The following AGBL4 variants were observed in gnomAD, a reference collection of about 807,000 sequenced individuals.
AGBL4 encodes cytosolic carboxypeptidase 6.
Under a neutral mutation model 66.4 loss-of-function variants are expected in AGBL4, and 58 were observed. That is an observed-to-expected ratio of 0.87 (90% CI 0.71 to 1.09). The LOEUF (loss-of-function observed/expected upper bound fraction) is 1.09, where lower values mean the gene tolerates loss of function less well. Among genes scored for constraint, AGBL4 ranks in the 50% least tolerant of loss-of-function variants. The pLI is 0.00. For synonymous variants in AGBL4, 234 were observed against 222.9 expected (o/e 1.05, Z -0.44); for missense variants, 579 against 631.0 (o/e 0.92, Z 0.88).
At chr1:49,700,436 C>A (rs1195643169) in intron 2 of AGBL4, among the ~76,000 whole-genome samples, 4 of 151,794 alleles carry the variant, frequency 2.6e-5, no homozygotes, top group African/African-American at 4.8e-5. Flanking sequence ...ACACCAATAT[C>A]CCTTACTGTA....
chr1:49,009,204 T>C (rs1443403234), intron 5 of AGBL4, among the ~76,000 whole-genome samples: 12 of 151,886 alleles, frequency 7.9e-5, no homozygotes, highest in East Asian at 1.9e-4. Context: ...ATATCACCAC[T>C]GATCCCACAG....
intron 4 of AGBL4, among the ~76,000 whole-genome samples, chr1:49,241,454 G>T (rs1433286480): frequency 6.6e-6 from 1 of 151,988 alleles, no homozygotes; most frequent in Non-Finnish European, 1.5e-5. Flanking sequence ...CCTAAGGAAG[G>T]TCTCTTATCC....
At chr1:49,922,357 G>A (rs1329499766) in intron 1 of AGBL4, among the ~76,000 whole-genome samples, 2 of 152,140 alleles carry the variant, frequency 1.3e-5, no homozygotes, top group Non-Finnish European at 2.9e-5. Flanking sequence ...CATACTGAAT[G>A]GGAAAAAGCT....
intron 5 of AGBL4, among the ~76,000 whole-genome samples, chr1:48,990,609 T>C (rs1269800170): frequency 2.6e-5 from 4 of 152,144 alleles, no homozygotes; most frequent in Admixed American, 6.6e-5. Context: ...CTGCATATGA[T>C]ATGCAGTTTT....
intron 2 of AGBL4, among the ~76,000 whole-genome samples, chr1:49,766,514 A>G (rs1652743015): frequency 6.6e-6 from 1 of 152,110 alleles, no homozygotes; most frequent in African/African-American, 2.4e-5. Flanking sequence ...CTATAAAGCA[A>G]CTACTCAATA....
chr1:49,525,372 A>G (rs1231428444), intron 3 of AGBL4, among the ~76,000 whole-genome samples: 1 of 152,114 alleles, frequency 6.6e-6, no homozygotes, highest in Non-Finnish European at 1.5e-5. Context: ...CTGAGATCTC[A>G]GTGACAAGAA....
chr1:49,467,846 T>A (rs1646662278), intron 3 of AGBL4, among the ~76,000 whole-genome samples: 1 of 151,836 alleles, frequency 6.6e-6, no homozygotes, highest in Non-Finnish European at 1.5e-5. Context: ...TTGAAATATG[T>A]TCCTTTCCTT....
In AGBL4 at chr1:49,568,931, G is replaced by A. The variant is rs574149212; in HGVS notation, c.282+128382C>T. Among the ~76,000 whole-genome samples, 14 of 152,190 alleles carry A rather than the reference G, an allele frequency of 9.2e-5. No individual in the cohort carries two copies. In the South Asian group the frequency reaches 1.2e-3, roughly 14 times the overall value. ...ATATCAGAGAGATATTTGCACTCCC[G>A]CGTTTGTTACAACACTGTTTATGAT... On this transcript the variant is annotated intron_variant, in intron 3 of 13. Coordinates refer to ENST00000371839, the MANE Select transcript of AGBL4 (RefSeq NM_032785.4).
chr1:48,662,642 A>G (rs1646126335), intron 7 of AGBL4, among the ~76,000 whole-genome samples: 1 of 152,200 alleles, frequency 6.6e-6, no homozygotes, highest in African/African-American at 2.4e-5. Context: ...AAAAATTATG[A>G]CTTATTTGCC....
At chr1:49,527,844 C>G (rs1388721117) in intron 3 of AGBL4, among the ~76,000 whole-genome samples, 1 of 152,066 alleles carries the variant, frequency 6.6e-6, no homozygotes, top group Non-Finnish European at 1.5e-5. Flanking sequence ...ACTCAGCAGA[C>G]AGGAAATACT....
chr1:48,664,827 G>A (rs1174497861), intron 6 of AGBL4, among the ~76,000 whole-genome samples: 3 of 152,224 alleles, frequency 2.0e-5, no homozygotes, highest in Non-Finnish European at 4.4e-5. Context: ...GTGGGCAGAC[G>A]AAGGGCTGAT....
chr1:49,508,694 C>T (rs568293016), intron 3 of AGBL4, among the ~76,000 whole-genome samples: 1 of 151,936 alleles, frequency 6.6e-6, no homozygotes, highest in Admixed American at 6.6e-5. Context: ...ATTACTTATC[C>T]TCTTAGACCT....
intron 1 of AGBL4, chr1:49,994,628 A>C (rs1398918613): frequency 6.6e-6 from 1 of 152,592 alleles, no homozygotes; most frequent in African/African-American, 2.4e-5. Flanking sequence ...GGGAGCTTTT[A>C]AAAAAATTGC....
chr1:48,769,518 G>T (rs1010016173), intron 6 of AGBL4, among the ~76,000 whole-genome samples: 1 of 114,946 alleles, frequency 8.7e-6, no homozygotes. Context: ...AGTCCCAGGA[G>T]GATTTAAAAC....
intron 3 of AGBL4, among the ~76,000 whole-genome samples, chr1:49,687,756 C>T (rs938470857): frequency 3.3e-5 from 5 of 151,226 alleles, no homozygotes; most frequent in Non-Finnish European, 5.9e-5. Context: ...GCCTGGATGA[C>T]AGAGTAAAAG....
At chr1:49,618,600 C>T (rs1645296161) in intron 3 of AGBL4, among the ~76,000 whole-genome samples, 1 of 152,138 alleles carries the variant, frequency 6.6e-6, no homozygotes, top group South Asian at 2.1e-4. Context: ...AGAGGGATTC[C>T]TCCCTAATTC....
intron 6 of AGBL4, among the ~76,000 whole-genome samples, chr1:48,823,943 A>G (rs1433792881): frequency 6.6e-6 from 1 of 152,220 alleles, no homozygotes; most frequent in African/African-American, 2.4e-5. Flanking sequence ...CCAGGAATAC[A>G]TAAGAGAAAA....
intron 4 of AGBL4, among the ~76,000 whole-genome samples, chr1:49,236,783 C>T (rs1461239851): frequency 6.6e-6 from 1 of 152,208 alleles, no homozygotes; most frequent in African/African-American, 2.4e-5. Flanking sequence ...AAAAAATCTA[C>T]CATATGCTAC....
At position 48,819,223 on chromosome 1, in the gene AGBL4, A is replaced by T. The variant is rs1646257334; in HGVS notation, c.634+47968T>A. On this transcript the variant is annotated intron_variant, in intron 6 of 13. Coordinates refer to ENST00000371839, the MANE Select transcript of AGBL4 (RefSeq NM_032785.4). Reference sequence around the variant, plus strand: ...ATAAAGCATTCTGGAAAAATAAAACAGGACAAAAAGGTATGGAAGTGTGAA... The same window carrying T: ...ATAAAGCATTCTGGAAAAATAAAACTGGACAAAAAGGTATGGAAGTGTGAA... Among the ~76,000 whole-genome samples the T allele has an allele frequency of 2.6e-5, 4 of 152,206 alleles. No individual in the cohort carries two copies. The South Asian group carries it at 8.3e-4, about 32-fold the overall frequency.
Sources: allele counts gnomAD v4.1 joint callset (sites outside exome capture counted in the v4.1 genomes callset), GRCh38; gene constraint gnomAD v4.1.1; transcripts MANE v1.5; gene names NCBI Gene and HGNC (gene_info 2026-07-23, HGNC 2026-07-21).